Variants in RELN observed in about 807,000 individuals in gnomAD.
RELN encodes the protein reelin.
In RELN, 108 loss-of-function variants were observed where a neutral mutation model predicts 427.6. That is an observed-to-expected ratio of 0.25 (90% CI 0.22 to 0.30). The LOEUF is 0.30. Among genes scored for constraint, RELN ranks in the 10% least tolerant of loss-of-function variants. RELN has a pLI of 1.00. For synonymous variants in RELN, 1,524 were observed against 1,513.4 expected, an observed-to-expected ratio of 1.01 and a Z score of -0.16; for missense variants, 3,715 against 4,302.8, an observed-to-expected ratio of 0.86 and a Z score of 3.82.
At chr7:103,651,467 A>C (rs1248862839) in intron 15 of RELN, among the ~76,000 whole-genome samples, 194 bp downstream of exon 15, 3 of 152,118 alleles carry the variant, frequency 2.0e-5, no homozygotes, top group Non-Finnish European at 4.4e-5. Flanking sequence ...ATGGCCTTAC[A>C]AATGTTCATT....
intron 6 of RELN, among the ~76,000 whole-genome samples, chr7:103,747,162 G>C (rs1258177735): frequency 6.6e-6 from 1 of 150,668 alleles, no homozygotes; most frequent in Non-Finnish European, 1.5e-5. Flanking sequence ...CTATCGCAAG[G>C]ACAAAAAACC....
At chr7:103,576,341 C>T (rs1584310878) in intron 28 of RELN, among the ~76,000 whole-genome samples, 1 of 152,090 alleles carries the variant, frequency 6.6e-6, no homozygotes, top group Non-Finnish European at 1.5e-5. Flanking sequence ...GGTTTCACTA[C>T]GTTGGCCAGG....
chr7:103,964,215 C>G (rs900361925), intron 1 of RELN, among the ~76,000 whole-genome samples: 18 of 152,062 alleles, frequency 1.2e-4, no homozygotes, highest in Admixed American at 2.0e-4. Flanking sequence ...TTCCTTAGTT[C>G]TGGGTATTGT....
chr7:103,672,859 G>A (rs1373641890), intron 11 of RELN, among the ~76,000 whole-genome samples: 3 of 152,030 alleles, frequency 2.0e-5, no homozygotes, highest in African/African-American at 7.2e-5. Flanking sequence ...CATGCTTTAT[G>A]CAAAGTGCTC....
intron 2 of RELN, among the ~76,000 whole-genome samples, chr7:103,900,318 C>T (rs1157612043): frequency 3.3e-5 from 5 of 152,092 alleles, no homozygotes; most frequent in African/African-American, 1.2e-4. Flanking sequence ...AATGGAATAA[C>T]ACCCCATGCT....
chr7:103,599,156 T>C (rs1249700245), intron 24 of RELN, among the ~76,000 whole-genome samples: 1 of 152,264 alleles, frequency 6.6e-6, no homozygotes, highest in Non-Finnish European at 1.5e-5. Context: ...TTAAAGTCTT[T>C]CTAAATTAAT....
In RELN at chr7:103,989,065, G is replaced by T; in HGVS notation, c.226+66C>A. 2 of 1,396,610 alleles carry T rather than the reference G, an allele frequency of 1.4e-6. No homozygotes were observed. Among genetic ancestry groups the T allele is most frequent in the Non-Finnish European group, 1.0e-6 (1 of 983,430 alleles). The allele number at this position is 1,396,610 out of a possible 1,614,324, so 86.5% of individuals were successfully genotyped here. On this transcript the variant is annotated intron_variant, in intron 1 of 64. Coordinates refer to ENST00000428762, the MANE Select transcript of RELN (RefSeq NM_005045.4). This position sits in a 1 kb window ranked among gnomAD's most constrained non-coding sequence, Gnocchi z 4.9. ...CCAAGGCCCCTTGGAAGAAGGAAAGGGATGAGAAAGGTGCGCTGGCGGGCG... is the reference window on the plus strand; with the variant it reads ...CCAAGGCCCCTTGGAAGAAGGAAAGTGATGAGAAAGGTGCGCTGGCGGGCG...
intron 41 of RELN, among the ~76,000 whole-genome samples, chr7:103,550,375 A>G (rs963965591): frequency 6.6e-6 from 1 of 152,236 alleles, no homozygotes; most frequent in Non-Finnish European, 1.5e-5. Context: ...CTCTGAAAGA[A>G]AACATTCTTA....
chr7:103,740,347 C>T (rs532270831), intron 6 of RELN, among the ~76,000 whole-genome samples: 1 of 152,256 alleles, frequency 6.6e-6, no homozygotes, highest in South Asian at 2.1e-4. Flanking sequence ...GAAACTATTA[C>T]CCAAGTTGTT....
chr7:103,576,457 T>C (rs1356596164), intron 28 of RELN, among the ~76,000 whole-genome samples: 2 of 152,190 alleles, frequency 1.3e-5, no homozygotes, highest in African/African-American at 4.8e-5. Flanking sequence ...TTTTTCAGCA[T>C]AAATGTTTGA....
chr7:103,520,978 T>TG (rs1829693805), intron 48 of RELN, among the ~76,000 whole-genome samples: 2 of 129,730 alleles, frequency 1.5e-5, no homozygotes, highest in Non-Finnish European at 3.3e-5. Flanking sequence ...TTTTTTTTTT[T>TG]TTTTTTTTTG....
chr7:103,989,357 G>GCCGCCA lies in RELN; in HGVS notation c.-2_-1insTGGCGG. 1 of 1,138,678 alleles carries GCCGCCA rather than the reference G, an allele frequency of 8.8e-7. No individual in the cohort carries two copies. The highest frequency in any genetic ancestry group is 1.1e-6 in the Non-Finnish European group (1 of 916,094). The allele number at this position is 1,138,678 out of a possible 1,614,324, so 70.5% of individuals were successfully genotyped here. On this transcript the variant is annotated 5_prime_UTR_variant, in exon 1 of 65. Coordinates refer to ENST00000428762, the MANE Select transcript of RELN (RefSeq NM_005045.4). The surrounding 1 kb of genome is among the most constrained non-coding windows in gnomAD (Gnocchi z 4.9). The stretch of plus-strand genomic sequence containing the variant: ...GCCGGGCCCAGCCACTGCGCTCCAT[G>GCCGCCA]CCGCCGCCGCCGCCGCCGCCGCCGC...
At chr7:103,491,391 T>TTATC (rs1828644933) in intron 58 of RELN, among the ~76,000 whole-genome samples, 2 of 152,208 alleles carry the variant, frequency 1.3e-5, no homozygotes, top group Non-Finnish European at 2.9e-5. Context: ...TGATAAAATT[T>TTATC]AAAATATAAA....
intron 6 of RELN, 148 bp from the exon 7 acceptor site, chr7:103,728,355 T>C (rs1262246054): frequency 1.3e-6 from 1 of 757,034 alleles, no homozygotes; most frequent in Non-Finnish European, 2.3e-6. Context: ...CATGATAAGG[T>C]TAAGAAGACC....
intron 49 of RELN, among the ~76,000 whole-genome samples, chr7:103,516,597 T>C (rs1239998749): frequency 6.6e-6 from 1 of 151,708 alleles, no homozygotes; most frequent in Admixed American, 6.6e-5. Context: ...CAGTATCATC[T>C]TATTTTTTTA....
At position 103,566,210 on chromosome 7, in the gene RELN, G is replaced by A; in HGVS notation, c.4936+14C>T. On this transcript the variant is annotated intron_variant, in intron 33 of 64. Transcript: ENST00000428762. Reference sequence around the variant, plus strand: ...TAATCAGATATTTTCCCTTTATCTGGTGACAATATATACCTATGTTTTCAG... The same window carrying A: ...TAATCAGATATTTTCCCTTTATCTGATGACAATATATACCTATGTTTTCAG... 1 of 1,599,270 alleles carries A rather than the reference G, an allele frequency of 6.3e-7. No individual in the cohort carries two copies. Among genetic ancestry groups the A allele is most frequent in the Non-Finnish European group, 8.6e-7 (1 of 1,166,772 alleles).
At chr7:103,768,362 T>TA (rs71154368) in intron 4 of RELN, among the ~76,000 whole-genome samples, 4,789 of 148,054 alleles carry the variant, frequency 0.032, 116 homozygotes, top group Admixed American at 0.049. Flanking sequence ...TCAGAGATAT[T>TA]AAAAAAAAAA....
rs771891186 is a variant in RELN, at chr7:103,489,895, T to A, written c.9610A>T (p.Thr3204Ser). ...CCCTTCTGGATCCAGCGGAACTGTG[T>A]TGCACTGAAAGAACCACAGAGAGCA... is the stretch of plus-strand genomic sequence containing the variant. ...QLPDHVSSSA[T>S]QFRWIQKGEE... Residue 3204 changes from threonine (T) to serine (S), a missense_variant, in exon 60 of 65, where the codon ACA becomes TCA. By Grantham distance (58) the Thr-to-Ser change is moderately conservative. Transcript: ENST00000428762. 4 of 1,614,124 alleles carry A rather than the reference T, an allele frequency of 2.5e-6. No homozygotes were observed. In the South Asian group the frequency reaches 4.4e-5, roughly 18 times the overall value.
intron 4 of RELN, among the ~76,000 whole-genome samples, chr7:103,773,490 T>C (rs1329003697): frequency 6.6e-6 from 1 of 150,522 alleles, no homozygotes; most frequent in Non-Finnish European, 1.5e-5. Context: ...TTTCTTTCTT[T>C]TGACAGAGTC....
Sources: gnomAD v4.1 joint callset for allele counts (sites outside exome capture counted in the v4.1 genomes callset) on GRCh38, gnomAD v4.1.1 for gene constraint, Gnocchi (gnomAD v3.1) non-coding constraint, MANE v1.5 for transcripts, NCBI Gene and HGNC (gene_info 2026-07-23, HGNC 2026-07-21) for gene names.